PARN: variants seen among roughly 807,000 people sequenced by gnomAD.
The protein encoded by PARN is poly(A)-specific ribonuclease PARN.
Under a neutral mutation model 102.8 loss-of-function variants are expected in PARN, and 71 were observed. The ratio of observed to expected loss-of-function variants is 0.69; its 90% CI spans 0.57 to 0.84. The LOEUF is 0.84. Among genes scored for constraint, PARN ranks in the 40% least tolerant of loss-of-function variants. PARN has a pLI of 0.00. For synonymous variants in PARN, 261 were observed against 252.9 expected (o/e 1.03, Z -0.30); for missense variants, 782 against 760.9 (o/e 1.03, Z -0.33).
chr16:14,505,364 C>G (rs1026752070), intron 21 of PARN, among the ~76,000 whole-genome samples: 1 of 152,204 alleles, frequency 6.6e-6, no homozygotes, highest in Non-Finnish European at 1.5e-5. Flanking sequence ...GTAGTCCCAG[C>G]TCCTCCAGAG....
chr16:14,579,574 A>T lies in PARN; in HGVS notation c.1262+1300T>A, dbSNP rs553789733. Among the ~76,000 whole-genome samples the T allele has an allele frequency of 1.7e-4, 26 of 152,218 alleles. 1 individual carries two copies. Among genetic ancestry groups the T allele is most frequent in the South Asian group, 4.2e-4 (2 of 4,818 alleles). ...AAAAGAGCAAGACCGTGACTCAAAA[A>T]AATAATAATAATAATACAAATGAGT... On this transcript the variant is annotated intron_variant, in intron 18 of 23. Transcript: ENST00000437198.
chr16:14,453,331 G>C (rs1212639175), intron 22 of PARN, among the ~76,000 whole-genome samples: 5 of 152,106 alleles, frequency 3.3e-5, no homozygotes, highest in Non-Finnish European at 7.4e-5. Flanking sequence ...TTTCCTTTTA[G>C]TAGAAAGAAA....
chr16:14,523,331 A>G (rs929465614), intron 21 of PARN, among the ~76,000 whole-genome samples: 1 of 152,170 alleles, frequency 6.6e-6, no homozygotes, highest in Non-Finnish European at 1.5e-5. Context: ...TAGTAAATAT[A>G]CAGAAGATTG....
intron 22 of PARN, among the ~76,000 whole-genome samples, chr16:14,468,878 A>AATAGACAG (rs1962532456): frequency 7.2e-6 from 1 of 139,620 alleles, no homozygotes; most frequent in African/African-American, 2.8e-5. Context: ...CCCATTACTA[A>AATAGACAG]ATAGATAGAT....
At chr16:14,490,475 C>A (rs564102487) in intron 21 of PARN, among the ~76,000 whole-genome samples, 1 of 152,190 alleles carries the variant, frequency 6.6e-6, no homozygotes, top group African/African-American at 2.4e-5. Context: ...CTTGTGCAAA[C>A]GCTGGAAGGA....
intron 21 of PARN, among the ~76,000 whole-genome samples, chr16:14,506,971 A>G (rs1406593241): frequency 4.0e-5 from 6 of 151,772 alleles, no homozygotes; most frequent in Non-Finnish European, 7.4e-5. Flanking sequence ...GTTTTGAAAA[A>G]GACTTAATGT....
chr16:14,621,360 A>C (rs1421917160), intron 5 of PARN, among the ~76,000 whole-genome samples: 1 of 152,232 alleles, frequency 6.6e-6, no homozygotes, highest in East Asian at 1.9e-4. Context: ...AGTCAGAGTC[A>C]TCTATGCCTT....
intron 18 of PARN, among the ~76,000 whole-genome samples, chr16:14,557,991 G>C (rs898217865): frequency 3.9e-5 from 6 of 152,310 alleles, no homozygotes; most frequent in Admixed American, 2.6e-4. Context: ...TCCTAGGTTA[G>C]TGAGCTAGTT....
intron 21 of PARN, among the ~76,000 whole-genome samples, chr16:14,539,776 G>A (rs1370492316): frequency 6.6e-6 from 1 of 152,124 alleles, no homozygotes; most frequent in African/African-American, 2.4e-5. Flanking sequence ...CTGTTAAAAA[G>A]AAATACTGTC....
At chr16:14,603,766 T>C (rs542344641) in intron 11 of PARN, among the ~76,000 whole-genome samples, 3 of 152,346 alleles carry the variant, frequency 2.0e-5, no homozygotes, top group African/African-American at 7.2e-5. Context: ...AACCTAAGCA[T>C]GTCATCCTCA....
intron 12 of PARN, among the ~76,000 whole-genome samples, chr16:14,597,841 T>C (rs1970618769): frequency 6.6e-6 from 1 of 151,886 alleles, no homozygotes; most frequent in Admixed American, 6.6e-5. Flanking sequence ...TCAATACCAT[T>C]CAAAAGTATC....
chr16:14,474,823 A>C (rs1184638438), intron 22 of PARN, among the ~76,000 whole-genome samples: 1 of 152,218 alleles, frequency 6.6e-6, no homozygotes, highest in African/African-American at 2.4e-5. Flanking sequence ...CACTTGCTCC[A>C]CAAGCCCATT....
chr16:14,546,240 C>G (rs1966932165), intron 21 of PARN, among the ~76,000 whole-genome samples: 1 of 152,220 alleles, frequency 6.6e-6, no homozygotes, highest in Non-Finnish European at 1.5e-5. Context: ...AAAGAGTTGT[C>G]TCTACAATTC....
intron 18 of PARN, among the ~76,000 whole-genome samples, chr16:14,577,474 C>T (rs1969215598): frequency 6.6e-6 from 1 of 152,066 alleles, no homozygotes; most frequent in African/African-American, 2.4e-5. Context: ...GCTGGGACTA[C>T]AGGTGTCTGC....
rs1969503838 is a variant in PARN at position 14,581,052 on chromosome 16, AG to A, written c.1193-110del. ...AACAGCATGGTTCAACAAGTGTGAA[AG>A]GTATTCTTTTTTTTTTGAGTCAGAG... On this transcript the variant is annotated intron_variant, in intron 17 of 23. Transcript: ENST00000437198. 3 of 642,720 alleles carry A rather than the reference AG, an allele frequency of 4.7e-6. No individual in the cohort carries two copies. In the Admixed American group the frequency reaches 7.1e-5, roughly 15 times the overall value. The allele number at this position is 642,720 out of a possible 1,614,324, so 39.8% of individuals were successfully genotyped here.
intron 16 of PARN, among the ~76,000 whole-genome samples, chr16:14,582,976 C>T (rs1466648490): frequency 6.6e-6 from 1 of 152,186 alleles, no homozygotes; most frequent in Non-Finnish European, 1.5e-5. Flanking sequence ...TCACTATCAA[C>T]AGCTCCAACT....
chr16:14,478,579 C>G (rs1359409890), intron 22 of PARN, among the ~76,000 whole-genome samples: 1 of 152,036 alleles, frequency 6.6e-6, no homozygotes, highest in African/African-American at 2.4e-5. Context: ...TAACCACTGA[C>G]TAGCTAAAGG....
chr16:14,511,993 A>AATAC (rs1278421711), intron 21 of PARN, among the ~76,000 whole-genome samples: 1 of 152,194 alleles, frequency 6.6e-6, no homozygotes, highest in Non-Finnish European at 1.5e-5. Context: ...CTGGACATTA[A>AATAC]ATACATCTAT....
intron 22 of PARN, among the ~76,000 whole-genome samples, chr16:14,479,861 C>A (rs1596480948): frequency 2.1e-5 from 3 of 142,300 alleles, no homozygotes. Context: ...TCCACATACA[C>A]AATTAATTTG....
Sources: allele counts gnomAD v4.1 joint callset (sites outside exome capture counted in the v4.1 genomes callset), GRCh38; gene constraint gnomAD v4.1.1; transcripts MANE v1.5; gene names NCBI Gene and HGNC (gene_info 2026-07-23, HGNC 2026-07-21).